Variants in IL7 observed in about 807,000 individuals in gnomAD.
IL7 encodes interleukin-7.
In IL7, 3 loss-of-function variants were observed where a neutral mutation model predicts 21.6. The observed-to-expected ratio is 0.14, with a 90% CI of 0.06 to 0.36. The LOEUF (loss-of-function observed/expected upper bound fraction) is 0.36. IL7 is among the 10% of genes least tolerant of loss of function. IL7 has a pLI of 1.00. For synonymous variants in IL7, 62 were observed against 68.1 expected (o/e 0.91, Z 0.44); for missense variants, 175 against 200.2 (o/e 0.87, Z 0.76).
chr8:78,682,297 A>G (rs757767726), intron 4 of IL7, among the ~76,000 whole-genome samples: 7 of 151,894 alleles, frequency 4.6e-5, no homozygotes, highest in Non-Finnish European at 7.3e-5. Flanking sequence ...TTGGATGCAT[A>G]GATGTATTAG....
chr8:78,760,260 A>C (rs1812504879), intron 2 of IL7: 15 of 1,606,714 alleles, frequency 9.3e-6, no homozygotes, highest in African/African-American at 1.4e-5. Flanking sequence ...ATTTATGTTA[A>C]GCAAAGCCAA....
chr8:78,787,025 C>T (rs1380330382), intron 2 of IL7, among the ~76,000 whole-genome samples: 3 of 152,128 alleles, frequency 2.0e-5, no homozygotes, highest in Non-Finnish European at 4.4e-5. Context: ...GGTGGCATGC[C>T]CAGAGAAGGC....
At chr8:78,686,129 A>G (rs1483904854) in intron 3 of IL7, among the ~76,000 whole-genome samples, 15 of 152,206 alleles carry the variant, frequency 9.9e-5, no homozygotes, top group Non-Finnish European at 2.2e-4. Context: ...CCCACCTCGT[A>G]CTACTGTTAT....
intron 2 of IL7, among the ~76,000 whole-genome samples, chr8:78,770,023 C>T (rs1812898197): frequency 6.6e-6 from 1 of 152,072 alleles, no homozygotes. Flanking sequence ...ACACCTGATA[C>T]AAAAAATAAT....
chr8:78,776,272 CA>C (rs1813134901), intron 2 of IL7, among the ~76,000 whole-genome samples: 1 of 152,074 alleles, frequency 6.6e-6, no homozygotes, highest in Non-Finnish European at 1.5e-5. Context: ...GGGCAGGTAG[CA>C]TCCACAGCCC....
At chr8:78,786,228 T>C (rs1403616158) in intron 2 of IL7, among the ~76,000 whole-genome samples, 1 of 152,212 alleles carries the variant, frequency 6.6e-6, no homozygotes. Flanking sequence ...ACCTAGGCTA[T>C]AAGGTATAGT....
At chr8:78,776,305 G>A (rs1482511902) in intron 2 of IL7, among the ~76,000 whole-genome samples, 1 of 152,056 alleles carries the variant, frequency 6.6e-6, no homozygotes, top group Non-Finnish European at 1.5e-5. Context: ...ACAAAGGGAT[G>A]ATTCACCCCT....
intron 5 of IL7, chr8:78,720,976 G>T (rs1483764313): frequency 2.0e-5 from 3 of 151,832 alleles, no homozygotes; most frequent in Non-Finnish European, 4.4e-5. Context: ...TAAGTGGTTA[G>T]ATCAACTACT....
intron 2 of IL7, among the ~76,000 whole-genome samples, chr8:78,769,393 GACAA>G (rs1201253602): frequency 6.6e-6 from 1 of 152,130 alleles, no homozygotes; most frequent in African/African-American, 2.4e-5. Context: ...ACCAATAACA[GACAA>G]ACAGAGAGCC....
chr8:78,688,637 G>A (rs1354347278), intron 3 of IL7, among the ~76,000 whole-genome samples: 2 of 152,042 alleles, frequency 1.3e-5, no homozygotes, highest in Non-Finnish European at 2.9e-5. Flanking sequence ...TGCATTTTGG[G>A]AAGATATTTT....
At chr8:78,728,224 T>C (rs1200756470), downstream of IL7, among the ~76,000 whole-genome samples, 3 of 151,992 alleles carry the variant, frequency 2.0e-5, no homozygotes, top group Non-Finnish European at 4.4e-5. Context: ...ATAGTCTCCA[T>C]TGCAATCTCT....
intron 2 of IL7, among the ~76,000 whole-genome samples, chr8:78,790,507 T>C (rs1813652146): frequency 6.6e-6 from 1 of 152,130 alleles, no homozygotes; most frequent in Non-Finnish European, 1.5e-5. Flanking sequence ...AAATTATTAA[T>C]TAAACATTTG....
intron 5 of IL7, among the ~76,000 whole-genome samples, chr8:78,735,374 G>A (rs770386159): frequency 6.7e-5 from 10 of 148,794 alleles, no homozygotes; most frequent in African/African-American, 1.2e-4. Context: ...GTGTAGTGGC[G>A]CGATCTCGGC....
rs1247168198 is a variant in IL7 at position 78,732,882 on chromosome 8, C to A, written c.*831G>T. 1 of 151,858 alleles carries A rather than the reference C, an allele frequency of 6.6e-6. No homozygotes were observed. The highest frequency in any genetic ancestry group is 2.4e-5 in the African/African-American group (1 of 41,356). 9.4% of individuals were successfully genotyped at this position (151,858 alleles called of 1,614,324 possible). A position where few individuals can be genotyped will look rare whatever the true frequency, so the allele number is the denominator to read the frequency against. ...ACAGATATAGTGTCAAAATTAAATA[C>A]AGATATTTCATTAATTAAAAGGTAA... On this transcript the variant is annotated 3_prime_UTR_variant, in exon 6 of 6. Transcript: ENST00000263851.
chr8:78,794,239 T>C (rs975881675), intron 2 of IL7, among the ~76,000 whole-genome samples: 8 of 152,126 alleles, frequency 5.3e-5, no homozygotes, highest in African/African-American at 1.9e-4. Flanking sequence ...CCCAGATCTA[T>C]TAGATGAATC....
chr8:78,761,192 C>A (rs1812543460), intron 2 of IL7: 1 of 1,592,526 alleles, frequency 6.3e-7, no homozygotes, highest in South Asian at 1.2e-5. Flanking sequence ...CCTTTCTTTA[C>A]TGTTCTGAAA....
At chr8:78,705,041 A>G (rs1040887625) in intron 3 of IL7, among the ~76,000 whole-genome samples, 5 of 152,126 alleles carry the variant, frequency 3.3e-5, no homozygotes, top group Admixed American at 1.3e-4. Flanking sequence ...TTGGATTACA[A>G]TGTATTGCTT....
intron 1 of IL7, among the ~76,000 whole-genome samples, chr8:78,801,772 A>T (rs1814069166): frequency 6.6e-6 from 1 of 152,194 alleles, no homozygotes; most frequent in African/African-American, 2.4e-5. Context: ...TAGATCTGAA[A>T]TTGCCTCACG....
intron 2 of IL7, among the ~76,000 whole-genome samples, chr8:78,744,127 G>A (rs530360714): frequency 6.6e-6 from 1 of 152,204 alleles, no homozygotes; most frequent in South Asian, 2.1e-4. Flanking sequence ...CGCAGTGCTG[G>A]GGTAACGCTT....
Sources: gnomAD v4.1 joint callset for allele counts (sites outside exome capture counted in the v4.1 genomes callset) on GRCh38, gnomAD v4.1.1 for gene constraint, MANE v1.5 for transcripts, NCBI Gene and HGNC (gene_info 2026-07-23, HGNC 2026-07-21) for gene names.